The following SPIB variants were observed in gnomAD, a reference collection of about 807,000 sequenced individuals.
The protein encoded by SPIB is transcription factor Spi-B.
A neutral mutation model predicts 31.9 loss-of-function variants in SPIB; 7 were observed. That is an observed-to-expected ratio of 0.22 (90% CI 0.12 to 0.41). The LOEUF (loss-of-function observed/expected upper bound fraction) is 0.41. SPIB is among the 10% of genes least tolerant of loss of function. The pLI, the probability that SPIB is intolerant of heterozygous loss-of-function variation, is 1.00. For synonymous variants in SPIB, 176 were observed against 158.9 expected (o/e 1.11, Z -0.81); for missense variants, 327 against 360.2 (o/e 0.91, Z 0.75).
intron 2 of SPIB, among the ~76,000 whole-genome samples, chr19:50,420,407 T>C (rs1026681842): frequency 3.3e-5 from 5 of 152,020 alleles, no homozygotes; most frequent in Admixed American, 3.3e-4. Context: ...CATGTTTTTT[T>C]TGTTTGTTTT....
chr19:50,421,732 G>A (rs561202582), intron 2 of SPIB, among the ~76,000 whole-genome samples: 6 of 151,884 alleles, frequency 4.0e-5, no homozygotes, highest in Non-Finnish European at 7.4e-5. Flanking sequence ...CTCCTGCCTC[G>A]GCCTCCAGAG....
In SPIB at chr19:50,418,944, C is replaced by G. The variant is rs1347576479; in HGVS notation, c.-19C>G. On this transcript the variant is annotated 5_prime_UTR_variant, in exon 1 of 6. Transcript: ENST00000595883. This position sits in a 1 kb window ranked among gnomAD's most constrained non-coding sequence, Gnocchi z 6.0. ...GTTGGCGGCTGCAGCGGGCGGCAAACAGCCCGCCCGGCACCACCATGCTCG... is the reference window on the plus strand; with the variant it reads ...GTTGGCGGCTGCAGCGGGCGGCAAAGAGCCCGCCCGGCACCACCATGCTCG... 1.3e-6 allele frequency: 2 copies of G among 1,553,050 alleles called. No individual in the cohort carries two copies. The highest frequency in any genetic ancestry group is 1.7e-6 in the Non-Finnish European group (2 of 1,148,712).
In SPIB at chr19:50,419,930, G is replaced by C. The variant is rs376528832; in HGVS notation, c.24-16G>C. 4.0e-5 allele frequency: 62 copies of C among 1,539,572 alleles called. No homozygotes were observed. Among genetic ancestry groups the C allele is most frequent in the Non-Finnish European group, 5.0e-5 (57 of 1,148,956 alleles). ...GGAGGCAGCCTCAGCATGCCCCTGT[G>C]TCTCTCCCCCTCCAGGCTCGACGGG... is the stretch of plus-strand genomic sequence containing the variant. On this transcript the variant is annotated splice_polypyrimidine_tract_variant and intron_variant, in intron 1 of 5. Coordinates refer to ENST00000595883, the MANE Select transcript of SPIB (RefSeq NM_003121.5).
Position 50,424,002 on chromosome 19 carries a change from G to T in SPIB, c.490+247G>T, listed in dbSNP as rs374469871. Among the ~76,000 whole-genome samples the T allele has an allele frequency of 3.9e-5, 6 of 152,236 alleles. No homozygotes were observed. In the South Asian group the frequency reaches 8.3e-4, roughly 21 times the overall value. On this transcript the variant is annotated intron_variant, in intron 5 of 5. Coordinates refer to ENST00000595883, the MANE Select transcript of SPIB (RefSeq NM_003121.5). ...TGAGGTCGTTGGGGGGACTAAATGG[G>T]ATAGTAAGTGTAAATGGGACAGCAG...
At chr19:50,421,867 A>C (rs2039499646) in intron 2 of SPIB, among the ~76,000 whole-genome samples, 1 of 152,032 alleles carries the variant, frequency 6.6e-6, no homozygotes, top group Non-Finnish European at 1.5e-5. Context: ...CACTGGCCTC[A>C]GCCTCCCAAA....
chr19:50,419,134 GGTTCT>G, intron 1 of SPIB, 149 bp downstream of exon 1: 1 of 882,676 alleles, frequency 1.1e-6, no homozygotes, highest in Non-Finnish European at 1.8e-6. Context: ...TGCCCCTTCT[GGTTCT>G]GTTCCCTCTT....
At chr19:50,424,449 C>A (rs1452853823) in intron 5 of SPIB, among the ~76,000 whole-genome samples, 4 of 152,000 alleles carry the variant, frequency 2.6e-5, no homozygotes, top group African/African-American at 9.7e-5. Context: ...GAGTTCGAGA[C>A]CAGCCTGGCC....
At chr19:50,419,055 T>C (rs928872589) in intron 1 of SPIB, 70 bp downstream of exon 1, 3 of 1,530,010 alleles carry the variant, frequency 2.0e-6, no homozygotes, top group Admixed American at 3.9e-5. Flanking sequence ...GCCTCACCCA[T>C]GGGCAGTGGT....
At chr19:50,427,921 C>A in intron 5 of SPIB, 117 bp from the exon 6 acceptor site, 1 of 1,219,028 alleles carries the variant, frequency 8.2e-7, no homozygotes, top group Non-Finnish European at 1.1e-6. Flanking sequence ...ACTTCCCTCA[C>A]CCCACTTTTC....
chr19:50,422,749 C>A, intron 3 of SPIB, 74 bp from the exon 4 acceptor site: 1 of 1,145,846 alleles, frequency 8.7e-7, no homozygotes, highest in Non-Finnish European at 1.3e-6. Flanking sequence ...AATGGCCTCT[C>A]TGTGCTGGGG....
At chr19:50,420,695 T>C (rs1420381322) in intron 2 of SPIB, among the ~76,000 whole-genome samples, 1 of 152,248 alleles carries the variant, frequency 6.6e-6, no homozygotes, top group Non-Finnish European at 1.5e-5. Context: ...TGGCAGCGTC[T>C]TGGCTCACTG....
Position 50,428,176 on chromosome 19 carries a change from G to A in SPIB, c.629G>A (p.Arg210His), listed in dbSNP as rs866060389. 11 of 1,589,764 alleles carry A rather than the reference G, an allele frequency of 6.9e-6. No homozygotes were observed. The highest frequency in any genetic ancestry group is 1.6e-4 in the Middle Eastern group (1 of 6,064). ...FSSKHKELLA[R>H]RWGQQKGNRK... The stretch of plus-strand genomic sequence containing the variant: ...TCCAAGCACAAGGAACTCCTGGCGC[G>A]CCGCTGGGGCCAGCAGAAGGGGAAC... The change falls in exon 6 of 6, where the codon CGC becomes CAC. Residue 210 changes from arginine to histidine, a missense_variant. This residue lies in a region of SPIB where 54 missense variants were observed against 69.5 expected (regional missense o/e 0.78). Transcript: ENST00000595883. The surrounding 1 kb of genome is among the most constrained non-coding windows in gnomAD (Gnocchi z 6.5).
intron 5 of SPIB, among the ~76,000 whole-genome samples, chr19:50,427,231 C>T (rs1475090007): frequency 2.0e-5 from 3 of 150,778 alleles, no homozygotes; most frequent in Admixed American, 2.0e-4. Flanking sequence ...TGCTTTGAAA[C>T]TCCCAGTTAT....
At position 50,423,716 on chromosome 19, in the gene SPIB, G is replaced by A. The variant is rs1568649571; in HGVS notation, c.451G>A (p.Ala151Thr). The A allele has an allele frequency of 3.7e-6, 6 of 1,612,998 alleles. No homozygotes were observed. Among genetic ancestry groups the A allele is most frequent in the African/African-American group, 1.3e-5 (1 of 75,040 alleles). The change falls in exon 5 of 6, where the codon GCC becomes ACC. Residue 151 changes from alanine (A) to threonine (T), a missense_variant. Transcript: ENST00000595883. ...LEVSDSESDEALVAGPEGKGS... is the reference protein window; with the variant it reads ...LEVSDSESDETLVAGPEGKGS... Reference sequence around the variant, plus strand: ...GGTCTCGGACAGCGAGTCGGATGAGGCCCTCGTGGCTGGCCCCGAGGGGAA... The same window carrying A: ...GGTCTCGGACAGCGAGTCGGATGAGACCCTCGTGGCTGGCCCCGAGGGGAA...
rs1176066126 is a variant in SPIB, at chr19:50,428,028, C to T, written c.491-10C>T. On this transcript the variant is annotated splice_polypyrimidine_tract_variant and intron_variant, in intron 5 of 5. Coordinates refer to ENST00000595883, the MANE Select transcript of SPIB (RefSeq NM_003121.5). The surrounding 1 kb of genome is among the most constrained non-coding windows in gnomAD (Gnocchi z 6.5). ...CCCTCACCTAACGCGTGCCCCCGAC[C>T]CCACCGCAGGGACTCGCAAGAAGCT... 2 of 1,501,442 alleles carry T rather than the reference C, an allele frequency of 1.3e-6. No individual in the cohort carries two copies. The highest frequency in any genetic ancestry group is 2.2e-5 in the Admixed American group (1 of 46,028). The allele number at this position is 1,501,442 out of a possible 1,614,324, so 93.0% of individuals were successfully genotyped here. A position where few individuals can be genotyped will look rare whatever the true frequency, so the allele number is the denominator to read the frequency against.
chr19:50,423,783 G>A (rs2039532095), intron 5 of SPIB, 28 bp downstream of exon 5: 5 of 1,578,986 alleles, frequency 3.2e-6, no homozygotes, highest in South Asian at 1.1e-5. Flanking sequence ...GGGTGGGGGA[G>A]ATGCCAGCTG....
In SPIB at chr19:50,428,342, C is replaced by A. The variant is rs566742945; in HGVS notation, c.*6C>A. On this transcript the variant is annotated 3_prime_UTR_variant, in exon 6 of 6. Coordinates refer to ENST00000595883, the MANE Select transcript of SPIB (RefSeq NM_003121.5). This position sits in a 1 kb window ranked among gnomAD's most constrained non-coding sequence, Gnocchi z 6.5. ...CTGCAGTCCGCCGGGCCTGAGCACACCCGAGGCTCCCACCTGCGGAGCCGC... is the reference window on the plus strand; with the variant it reads ...CTGCAGTCCGCCGGGCCTGAGCACAACCGAGGCTCCCACCTGCGGAGCCGC... 3 of 1,532,694 alleles carry A rather than the reference C, an allele frequency of 2.0e-6. No homozygotes were observed. The highest frequency in any genetic ancestry group is 2.6e-6 in the Non-Finnish European group (3 of 1,136,956). 94.9% of individuals were successfully genotyped at this position (1,532,694 alleles called of 1,614,324 possible).
At chr19:50,423,549 G>GCT in intron 4 of SPIB, 56 bp from the exon 5 acceptor site, 1 of 1,587,392 alleles carries the variant, frequency 6.3e-7, no homozygotes, top group South Asian at 1.1e-5. Context: ...CTGAGAGGAG[G>GCT]AAGTGGAGGG....
At chr19:50,420,318 T>C (rs2607239) in intron 2 of SPIB, among the ~76,000 whole-genome samples, 136,704 of 152,244 alleles carry the variant, frequency 0.9, 62,064 homozygotes, top group African/African-American at 0.95. Flanking sequence ...GAACCCACAA[T>C]CCAGTCTGAG....
Sources: allele counts gnomAD v4.1 joint callset (sites outside exome capture counted in the v4.1 genomes callset), GRCh38; gene constraint gnomAD v4.1.1; regional missense constraint gnomAD v4.1.1; non-coding constraint Gnocchi (gnomAD v3.1); transcripts MANE v1.5; gene names NCBI Gene and HGNC (gene_info 2026-07-23, HGNC 2026-07-21).